TMEM178B: variants seen among roughly 807,000 people sequenced by gnomAD.
The protein encoded by TMEM178B is transmembrane protein 178B.
Under a neutral mutation model 31.0 loss-of-function variants are expected in TMEM178B, and 5 were observed. That is an observed-to-expected ratio of 0.16 (90% CI 0.08 to 0.34). TMEM178B has a LOEUF of 0.34. TMEM178B is among the 10% of genes least tolerant of loss of function. The pLI is 1.00. For missense variants in TMEM178B, 275 were observed against 400.3 expected, an observed-to-expected ratio of 0.69 and a Z score of 2.67; for synonymous variants, 164 against 164.0, an observed-to-expected ratio of 1.00 and a Z score of 0.00.
intron 1 of TMEM178B, among the ~76,000 whole-genome samples, chr7:141,168,095 A>G (rs578119911): frequency 1.3e-5 from 2 of 152,272 alleles, no homozygotes; most frequent in African/African-American, 4.8e-5. Context: ...TCCCTGCGAG[A>G]TGGCCAGGGC....
intron 2 of TMEM178B, among the ~76,000 whole-genome samples, chr7:141,316,365 A>T (rs1799005253): frequency 6.6e-6 from 1 of 152,218 alleles, no homozygotes; most frequent in South Asian, 2.1e-4. Flanking sequence ...CAGTTAACTT[A>T]CAAACTTTAG....
At chr7:141,307,519 G>A (rs1444154851) in intron 2 of TMEM178B, among the ~76,000 whole-genome samples, 1 of 152,172 alleles carries the variant, frequency 6.6e-6, no homozygotes, top group Non-Finnish European at 1.5e-5. Context: ...CCAACAGGAG[G>A]CTCCCATCAG....
chr7:141,078,134 A>C (rs560198183), intron 1 of TMEM178B, among the ~76,000 whole-genome samples: 3 of 152,162 alleles, frequency 2.0e-5, no homozygotes, highest in Admixed American at 6.5e-5. Flanking sequence ...ATGTCTCCCT[A>C]GTAAGTGACT....
chr7:141,285,154 CTTTTTTTTTTTTTTT>C (rs1030685003), intron 2 of TMEM178B, among the ~76,000 whole-genome samples: 2 of 52,810 alleles, frequency 3.8e-5, no homozygotes, highest in African/African-American at 1.6e-4. Flanking sequence ...ATTCTTGTTT[CTTTTTTTTTTTTTTT>C]TTTTTTTTTG....
At chr7:141,182,326 A>G (rs1177460201) in intron 1 of TMEM178B, among the ~76,000 whole-genome samples, 2 of 152,018 alleles carry the variant, frequency 1.3e-5, no homozygotes, top group Non-Finnish European at 1.5e-5. Flanking sequence ...GGTGGGGCCA[A>G]CAGCCCTGGT....
chr7:141,158,837 G>C (rs1463289811), intron 1 of TMEM178B, among the ~76,000 whole-genome samples: 1 of 152,144 alleles, frequency 6.6e-6, no homozygotes, highest in Non-Finnish European at 1.5e-5. Flanking sequence ...TAATGTCTTG[G>C]TCCTGTGGGT....
At chr7:141,122,544 T>C (rs575099203) in intron 1 of TMEM178B, among the ~76,000 whole-genome samples, 3 of 152,344 alleles carry the variant, frequency 2.0e-5, no homozygotes, top group African/African-American at 7.2e-5. Flanking sequence ...GAATGGTGGT[T>C]CACCTCTATC....
intron 2 of TMEM178B, among the ~76,000 whole-genome samples, chr7:141,279,080 C>G (rs571225747): frequency 1.3e-5 from 2 of 152,312 alleles, no homozygotes; most frequent in East Asian, 3.9e-4. Flanking sequence ...AGAGTGAGGT[C>G]AAACAGAGGT....
downstream of TMEM178B, among the ~76,000 whole-genome samples, chr7:141,483,893 G>A (rs1802517884): frequency 6.6e-6 from 1 of 151,980 alleles, no homozygotes; most frequent in Non-Finnish European, 1.5e-5. Flanking sequence ...CCACCATCAC[G>A]CCTGGCTAAT....
the TMEM178B span, among the ~76,000 whole-genome samples, chr7:141,500,081 G>T: frequency 1.3e-5 from 2 of 152,144 alleles, no homozygotes; most frequent in African/African-American, 4.8e-5. Flanking sequence ...ATAAAACTGT[G>T]TATAGAGGAG....
chr7:141,459,930 A>G (rs1307574844), intron 3 of TMEM178B, among the ~76,000 whole-genome samples: 5 of 145,796 alleles, frequency 3.4e-5, no homozygotes, highest in Non-Finnish European at 6.0e-5. Context: ...TACCTGGGTG[A>G]GGGAGAATAG....
At chr7:141,510,708 AAAAAG>A in the TMEM178B span, among the ~76,000 whole-genome samples, 42 of 135,524 alleles carry the variant, frequency 3.1e-4, 3 homozygotes, top group African/African-American at 1.3e-3. Context: ...AAAAAAAAAA[AAAAAG>A]AAAAAAAAAG....
rs1801500238 is a variant in TMEM178B at position 141,434,623 on chromosome 7, G to A, written c.497-2985G>A. On this transcript the variant is annotated intron_variant, in intron 2 of 3. Transcript: ENST00000565468. ...CCTTGAGCATTTATCATTTCTTGGT[G>A]ATGGAAACATTCCAAACCCTCTTTT... is the stretch of plus-strand genomic sequence containing the variant. Among the ~76,000 whole-genome samples the A allele has an allele frequency of 2.6e-5, 4 of 152,282 alleles. No homozygotes were observed. In the South Asian group the frequency reaches 8.3e-4, roughly 32 times the overall value.
rs528498452 is a variant in TMEM178B, at chr7:141,091,373, A to C, written c.382+16681A>C. The stretch of plus-strand genomic sequence containing the variant: ...CTTGTTATATATATATTTATTTAAA[A>C]ACCTGTAGGAACCCAGTGGTCTATT... On this transcript the variant is annotated intron_variant, in intron 1 of 3. Coordinates refer to ENST00000565468, the MANE Select transcript of TMEM178B (RefSeq NM_001195278.2). 2.0e-5 allele frequency among the ~76,000 whole-genome samples: 3 copies of C among 152,312 alleles called. No individual in the cohort carries two copies. In the East Asian group the frequency reaches 5.8e-4, roughly 29 times the overall value.
Position 141,474,081 on chromosome 7 carries a change from T to C in TMEM178B, c.*3295T>C, listed in dbSNP as rs573848810. On this transcript the variant is annotated 3_prime_UTR_variant, in exon 4 of 4. Transcript: ENST00000565468. ...TCACCAGCCGCAACCCCAGGTCAAGTTCAAACTTCTTACTGGCATATGAAC... is the reference window on the plus strand; with the variant it reads ...TCACCAGCCGCAACCCCAGGTCAAGCTCAAACTTCTTACTGGCATATGAAC... 2 of 152,208 alleles carry C rather than the reference T, an allele frequency of 1.3e-5. No homozygotes were observed. The highest frequency in any genetic ancestry group is 4.2e-4 in the South Asian group (2 of 4,816). 9.4% of individuals were successfully genotyped at this position (152,208 alleles called of 1,614,324 possible).
chr7:141,504,389 A>G, the TMEM178B span, among the ~76,000 whole-genome samples: 2 of 152,182 alleles, frequency 1.3e-5, no homozygotes, highest in Admixed American at 1.3e-4. Flanking sequence ...TGAAGCTACA[A>G]TTTAACTGGT....
At chr7:141,195,962 A>G (rs1440988082) in intron 1 of TMEM178B, among the ~76,000 whole-genome samples, 3 of 152,168 alleles carry the variant, frequency 2.0e-5, no homozygotes. Context: ...ACCGGATCCC[A>G]TGATTCAATT....
chr7:141,162,530 A>T (rs1405214307), intron 1 of TMEM178B, among the ~76,000 whole-genome samples: 1 of 152,240 alleles, frequency 6.6e-6, no homozygotes, highest in Non-Finnish European at 1.5e-5. Flanking sequence ...ACTACTGCCT[A>T]TGGGAATAAA....
At position 141,218,889 on chromosome 7, in the gene TMEM178B, G is replaced by A. The variant is rs1474320947; in HGVS notation, c.496+6185G>A. 1.3e-5 allele frequency among the ~76,000 whole-genome samples: 2 copies of A among 152,132 alleles called. 1 individual carries two copies. The highest frequency in any genetic ancestry group is 4.8e-5 in the African/African-American group (2 of 41,430). ...CAGCTGGCCAGTTCTAGCCCAGCCTGCTCCAATGTAGAATGGCCACCTTCT... is the reference window on the plus strand; with the variant it reads ...CAGCTGGCCAGTTCTAGCCCAGCCTACTCCAATGTAGAATGGCCACCTTCT... On this transcript the variant is annotated intron_variant, in intron 2 of 3. Transcript: ENST00000565468.
Sources: gnomAD v4.1 joint callset for allele counts (sites outside exome capture counted in the v4.1 genomes callset) on GRCh38, gnomAD v4.1.1 for gene constraint, MANE v1.5 for transcripts, NCBI Gene and HGNC (gene_info 2026-07-23, HGNC 2026-07-21) for gene names.